Variants in GREB1 observed in about 807,000 individuals in gnomAD.
The protein encoded by GREB1 is growth regulating estrogen receptor binding 1.
Under a neutral mutation model 200.7 loss-of-function variants are expected in GREB1, and 106 were observed. The observed-to-expected ratio is 0.53, with a 90% confidence interval of 0.45 to 0.62. The LOEUF (loss-of-function observed/expected upper bound fraction) is 0.62, where lower values mean the gene tolerates loss of function less well. Ranked by LOEUF, GREB1 falls within the 20% of genes least tolerant of loss-of-function variation. GREB1 has a pLI of 0.00. For synonymous variants in GREB1, 1,132 were observed against 1,092.4 expected, an observed-to-expected ratio of 1.04 and a Z score of -0.72; for missense variants, 2,243 against 2,556.8, an observed-to-expected ratio of 0.88 and a Z score of 2.65.
chr2:11,550,702 C>G (rs1457766155), intron 1 of GREB1, among the ~76,000 whole-genome samples: 1 of 152,216 alleles, frequency 6.6e-6, no homozygotes, highest in African/African-American at 2.4e-5. Context: ...CTTTCCAAAT[C>G]TAGCCCTACT....
Position 11,635,385 on chromosome 2 carries a change from T to G in GREB1, c.5326T>G (p.Ser1776Ala), listed in dbSNP as rs1572221862. The part of the protein sequence containing the change: ...KKQIVVGGHR[S>A]FHITSKVSDN... ...GCAGATCGTGGTGGGCGGCCACAGG[T>G]CCTTCCACATCACATCCAAGGTGAG... Residue 1776 changes from serine to alanine, a missense_variant, in exon 30 of 33, where the codon TCC (serine) becomes GCC (alanine). Transcript: ENST00000381486. 1.2e-6 allele frequency: 2 copies of G among 1,611,862 alleles called. No homozygotes were observed. Among genetic ancestry groups the G allele is most frequent in the Non-Finnish European group, 1.7e-6 (2 of 1,178,956 alleles).
chr2:11,496,570 G>T (rs988324630), intron 1 of GREB1, among the ~76,000 whole-genome samples: 7 of 144,924 alleles, frequency 4.8e-5, no homozygotes, highest in Non-Finnish European at 6.0e-5. Flanking sequence ...ATGAAAGGAC[G>T]CTCTGCTTCT....
At chr2:11,635,495 C>A in intron 30 of GREB1, 90 bp downstream of exon 30, 1 of 1,452,552 alleles carries the variant, frequency 6.9e-7, no homozygotes. Context: ...TGAGGGAGGC[C>A]ATGTCTCTTT....
chr2:11,589,179 C>T (rs1680482075), intron 10 of GREB1, among the ~76,000 whole-genome samples: 1 of 152,180 alleles, frequency 6.6e-6, no homozygotes, highest in Admixed American at 6.5e-5. Context: ...CACAGGGATA[C>T]AGCAGGGAAT....
chr2:11,617,797 A>G lies in GREB1; in HGVS notation c.3413-491A>G, dbSNP rs372964991. On this transcript the variant is annotated intron_variant, in intron 21 of 32. Coordinates refer to ENST00000381486, the MANE Select transcript of GREB1 (RefSeq NM_014668.4). ...CCCTGCTGTTTGGTCTGGGACGGGG[A>G]AAGGTCAGAGGTCAGGGCCCACCAG... is the stretch of plus-strand genomic sequence containing the variant. Among the ~76,000 whole-genome samples the G allele has an allele frequency of 4.6e-5, 7 of 152,042 alleles. No homozygotes were observed. The East Asian group carries it at 1.4e-3, about 30-fold the overall frequency.
At chr2:11,596,482 G>T (rs1481397381) in intron 13 of GREB1, among the ~76,000 whole-genome samples, 1 of 2,992 alleles carries the variant, frequency 3.3e-4, no homozygotes. Context: ...CAGTGAGGGG[G>T]TGGGGCACAG....
chr2:11,517,519 G>A (rs1673548726), intron 1 of GREB1: 2 of 152,244 alleles, frequency 1.3e-5, no homozygotes, highest in Non-Finnish European at 2.9e-5. Flanking sequence ...AAAAAAAGAG[G>A]AAGGGGCTTG....
At chr2:11,530,360 C>G (rs1674027140), upstream of GREB1, among the ~76,000 whole-genome samples, 3 of 151,558 alleles carry the variant, frequency 2.0e-5, no homozygotes, top group Admixed American at 1.3e-4. Context: ...GTGCGCCCGG[C>G]CCTAGGTGAT....
In GREB1 at chr2:11,635,414, C is replaced by A; in HGVS notation, c.5346+9C>A. 1 of 1,599,822 alleles carries A rather than the reference C, an allele frequency of 6.3e-7. No individual in the cohort carries two copies. Among genetic ancestry groups the A allele is most frequent in the Non-Finnish European group, 8.5e-7 (1 of 1,172,820 alleles). ...TCCACATCACATCCAAGGTGAGCTC[C>A]TCGCTGCTGGGCAGGCCTCTATGTC... On this transcript the variant is annotated intron_variant, in intron 30 of 32. Coordinates refer to ENST00000381486, the MANE Select transcript of GREB1 (RefSeq NM_014668.4).
intron 11 of GREB1, among the ~76,000 whole-genome samples, chr2:11,594,169 C>T (rs1320529686): frequency 2.0e-5 from 3 of 151,984 alleles, no homozygotes; most frequent in African/African-American, 7.3e-5. Flanking sequence ...CACCACCACA[C>T]CCAGCTCAGT....
chr2:11,606,022 T>C (rs1682252025), intron 17 of GREB1, among the ~76,000 whole-genome samples: 1 of 152,166 alleles, frequency 6.6e-6, no homozygotes, highest in African/African-American at 2.4e-5. Flanking sequence ...TTTCACAAGC[T>C]GCCAAATTGT....
At chr2:11,612,420 C>G in intron 18 of GREB1, 75 bp from the exon 19 acceptor site, 1 of 1,499,984 alleles carries the variant, frequency 6.7e-7, no homozygotes, top group Non-Finnish European at 9.1e-7. Context: ...TGTGGGAGGC[C>G]ATCAGGATTC....
rs118190754 is a variant in GREB1, at chr2:11,594,331, A to G, written c.1697-920A>G. Among the ~76,000 whole-genome samples the G allele has an allele frequency of 9.2e-3, 1,396 of 151,216 alleles. 58 individuals are homozygous for G. The highest frequency in any genetic ancestry group is 0.081 in the Admixed American group (1,239 of 15,206). On this transcript the variant is annotated intron_variant, in intron 11 of 32. Coordinates refer to ENST00000381486, the MANE Select transcript of GREB1 (RefSeq NM_014668.4). ...GGCATTTAATGTACTTTTTAAGTAT[A>G]GTGTCTGAATTGTCTTTTAGCATTT... is the stretch of plus-strand genomic sequence containing the variant.
chr2:11,596,022 CG>C, intron 12 of GREB1, 88 bp from the exon 13 acceptor site: 1 of 1,314,858 alleles, frequency 7.6e-7, no homozygotes, highest in Non-Finnish European at 1.1e-6. Flanking sequence ...CTCCAGGCCT[CG>C]GGACAGTACC....
intron 31 of GREB1, among the ~76,000 whole-genome samples, chr2:11,638,436 C>T (rs186904658): frequency 7.2e-5 from 11 of 152,228 alleles, no homozygotes; most frequent in East Asian, 1.9e-4. Context: ...CCACCGCACT[C>T]GGCCTAAATA....
chr2:11,559,839 C>T (rs1676811166), intron 2 of GREB1, among the ~76,000 whole-genome samples: 1 of 152,316 alleles, frequency 6.6e-6, no homozygotes, highest in African/African-American at 2.4e-5. Context: ...CCCACCCCAC[C>T]TCTGGGTAAT....
intron 11 of GREB1, among the ~76,000 whole-genome samples, chr2:11,593,751 G>A (rs139775146): frequency 0.024 from 3,585 of 152,152 alleles, 152 homozygotes; most frequent in African/African-American, 0.081. Context: ...TTACAGGAGT[G>A]AGCCACCGTG....
intron 1 of GREB1, among the ~76,000 whole-genome samples, chr2:11,495,983 G>C (rs1159620770): frequency 1.3e-5 from 2 of 152,068 alleles, no homozygotes; most frequent in African/African-American, 4.8e-5. Context: ...TAACCAGACT[G>C]GGAGAGGGTA....
At chr2:11,531,823 G>A (rs1015798723), upstream of GREB1, among the ~76,000 whole-genome samples, 9 of 152,030 alleles carry the variant, frequency 5.9e-5, no homozygotes, top group Admixed American at 6.6e-5. Flanking sequence ...CACCCGTCTC[G>A]GCCTCCCAAA....
Sources: allele counts gnomAD v4.1 joint callset (sites outside exome capture counted in the v4.1 genomes callset), GRCh38; gene constraint gnomAD v4.1.1; transcripts MANE v1.5; gene names NCBI Gene and HGNC (gene_info 2026-07-23, HGNC 2026-07-21).